STK3: variants seen among roughly 807,000 people sequenced by gnomAD.
The protein encoded by STK3 is serine/threonine kinase 3, also known as serine/threonine-protein kinase 3.
STK3 carries 41 observed loss-of-function variants against 58.0 expected under a neutral mutation model. The observed-to-expected ratio is 0.71, with a 90% CI of 0.55 to 0.92. The LOEUF is 0.92. Ranked by LOEUF, STK3 falls within the 40% of genes least tolerant of loss-of-function variation. The probability of loss-of-function intolerance (pLI) is 0.00; values close to 1 mark genes in which losing one functional copy is unlikely to be tolerated. For synonymous variants in STK3, 170 were observed against 191.0 expected (o/e 0.89, Z 0.91); for missense variants, 479 against 602.7 (o/e 0.79, Z 2.15).
At chr8:98,663,772 GA>G (rs1256923074) in intron 6 of STK3, among the ~76,000 whole-genome samples, 2 of 152,168 alleles carry the variant, frequency 1.3e-5, no homozygotes, top group East Asian at 1.9e-4. Context: ...ATTGCAAGAA[GA>G]AAAAAGCAAC....
intron 10 of STK3, among the ~76,000 whole-genome samples, chr8:98,523,647 T>C (rs1027307367): frequency 1.3e-5 from 2 of 152,062 alleles, no homozygotes; most frequent in Non-Finnish European, 2.9e-5. Context: ...AGTGCTGGGA[T>C]TACAGGCATG....
intron 3 of STK3, among the ~76,000 whole-genome samples, chr8:98,765,232 A>G (rs1830867775): frequency 1.3e-5 from 2 of 152,198 alleles, no homozygotes; most frequent in African/African-American, 2.4e-5. Flanking sequence ...CTCTTATTCT[A>G]TATCAAATTG....
intron 6 of STK3, among the ~76,000 whole-genome samples, chr8:98,697,821 G>A (rs1003074166): frequency 7.0e-4 from 106 of 152,304 alleles, no homozygotes; most frequent in African/African-American, 2.4e-3. Flanking sequence ...GTGCGGTGCT[G>A]AAAAGAATGT....
At chr8:98,490,991 A>AT (rs1822640044) in intron 10 of STK3, among the ~76,000 whole-genome samples, 1 of 152,102 alleles carries the variant, frequency 6.6e-6, no homozygotes, top group East Asian at 1.9e-4. Context: ...TCAGAGTTTT[A>AT]TTTTTTTCCT....
rs113930688 is a variant in STK3 at position 98,850,705 on chromosome 8, G to A, written c.110+32942C>T. On this transcript the variant is annotated intron_variant, in intron 3 of 12. Coordinates refer to the STK3 transcript ENST00000523601. ...CCAGTGATTTCAGTGTGACTGCGAC[G>A]TGCAGTGCGTGGTGGGCAGCAAGAA... 4.0e-3 allele frequency among the ~76,000 whole-genome samples: 611 copies of A among 152,312 alleles called. 6 individuals are homozygous for A. Among genetic ancestry groups the A allele is most frequent in the African/African-American group, 0.014 (578 of 41,562 alleles).
At chr8:98,854,883 C>A (rs917451101) in intron 3 of STK3, among the ~76,000 whole-genome samples, 1 of 152,034 alleles carries the variant, frequency 6.6e-6, no homozygotes, top group African/African-American at 2.4e-5. Context: ...ATGGCGAAAC[C>A]CCGTCTCTAC....
chr8:98,701,706 ACACT>A (rs1328646357), intron 6 of STK3, among the ~76,000 whole-genome samples: 3 of 151,684 alleles, frequency 2.0e-5, no homozygotes, highest in East Asian at 3.8e-4. Flanking sequence ...TCTCTCTCTC[ACACT>A]CACTTCCTAA....
intron 1 of STK3, among the ~76,000 whole-genome samples, chr8:98,901,272 A>C (rs1838647001): frequency 6.6e-6 from 1 of 152,236 alleles, no homozygotes; most frequent in African/African-American, 2.4e-5. Context: ...GTGAAGATTA[A>C]GTGAGGTAAC....
Position 98,769,829 on chromosome 8 carries a change from A to G in STK3, c.108-2458T>C, listed in dbSNP as rs117162336. On this transcript the variant is annotated intron_variant, in intron 2 of 10. Coordinates refer to ENST00000419617, the MANE Select transcript of STK3 (RefSeq NM_006281.4). ...ACTGGAAAAGTTATAGAACAAACAC[A>G]GCAAGCTAAAGGCTTAAATGTCCAG... is the stretch of plus-strand genomic sequence containing the variant. 9.1e-3 allele frequency among the ~76,000 whole-genome samples: 1,382 copies of G among 152,342 alleles called. 8 individuals carry two copies. Among genetic ancestry groups the G allele is most frequent in the Non-Finnish European group, 0.014 (985 of 68,026 alleles).
downstream of STK3, among the ~76,000 whole-genome samples, chr8:98,454,467 G>T (rs1819349859): frequency 6.6e-6 from 1 of 152,162 alleles, no homozygotes; most frequent in South Asian, 2.1e-4. Flanking sequence ...CCAAACTGGG[G>T]TGGGCCTGGA....
At chr8:98,586,689 T>C (rs1391723180) in intron 7 of STK3, among the ~76,000 whole-genome samples, 1 of 151,980 alleles carries the variant, frequency 6.6e-6, no homozygotes, top group Non-Finnish European at 1.5e-5. Flanking sequence ...TTCCTCCTTG[T>C]ACCTCTGGTA....
chr8:98,491,518 G>A (rs1822699616), intron 10 of STK3, among the ~76,000 whole-genome samples: 1 of 151,710 alleles, frequency 6.6e-6, no homozygotes, highest in African/African-American at 2.4e-5. Context: ...TCAGCTCACT[G>A]CAACCTCCAC....
At chr8:98,771,968 T>C (rs1587574825) in intron 2 of STK3, among the ~76,000 whole-genome samples, 1 of 152,212 alleles carries the variant, frequency 6.6e-6, no homozygotes, top group Admixed American at 6.5e-5. Flanking sequence ...TCTTTTGGTA[T>C]GTTTCATAAT....
At chr8:98,550,642 A>G (rs2131593154) in intron 8 of STK3, among the ~76,000 whole-genome samples, 1 of 152,184 alleles carries the variant, frequency 6.6e-6, no homozygotes, top group South Asian at 2.1e-4. Flanking sequence ...GCTACTGGGT[A>G]TAATCCTCAC....
In STK3 at chr8:98,479,490, G is replaced by A. The variant is rs999278810; in HGVS notation, c.1318-23490C>T. On this transcript the variant is annotated intron_variant, in intron 10 of 10. Coordinates refer to ENST00000419617, the MANE Select transcript of STK3 (RefSeq NM_006281.4). The stretch of plus-strand genomic sequence containing the variant: ...TGACAGAGCAACACTCCGTCTCGGG[G>A]GGGGGGGGGGGGCGGGAAAGGTGAA... Among the ~76,000 whole-genome samples, 216 of 92,378 alleles carry A rather than the reference G, an allele frequency of 2.3e-3. 6 individuals carry two copies. The highest frequency in any genetic ancestry group is 9.4e-3 in the East Asian group (30 of 3,176). The allele number at this position is 92,378 out of a possible 152,430, so 60.6% of individuals were successfully genotyped here.
At chr8:98,565,091 G>A (rs1812366657) in intron 8 of STK3, among the ~76,000 whole-genome samples, 2 of 152,014 alleles carry the variant, frequency 1.3e-5, no homozygotes, top group Admixed American at 6.6e-5. Context: ...TTTAATTTGA[G>A]CAAATATTTA....
intron 8 of STK3, 148 bp from the exon 9 acceptor site, chr8:98,548,309 GTTATT>G (rs1404735831): frequency 1.2e-5 from 7 of 572,234 alleles, no homozygotes; most frequent in African/African-American, 9.7e-5. Flanking sequence ...ACATACAAAT[GTTATT>G]TTAAGAGTGA....
chr8:98,502,730 A>G (rs1823713695), intron 10 of STK3, among the ~76,000 whole-genome samples: 1 of 152,214 alleles, frequency 6.6e-6, no homozygotes, highest in Admixed American at 6.5e-5. Context: ...ATGTTGAACC[A>G]GCCTTGCATC....
chr8:98,676,328 A>G (rs1823206174), intron 6 of STK3, among the ~76,000 whole-genome samples: 1 of 152,240 alleles, frequency 6.6e-6, no homozygotes, highest in Non-Finnish European at 1.5e-5. Flanking sequence ...ATGCCACTTA[A>G]AAACAGTTAA....
Sources: gnomAD v4.1 joint callset for allele counts (sites outside exome capture counted in the v4.1 genomes callset) on GRCh38, gnomAD v4.1.1 for gene constraint, MANE v1.5 for transcripts, NCBI Gene and HGNC (gene_info 2026-07-23, HGNC 2026-07-21) for gene names.